RIMS1: variants seen among roughly 807,000 people sequenced by gnomAD.
The protein encoded by RIMS1 is regulating synaptic membrane exocytosis protein 1.
Under a neutral mutation model 214.1 loss-of-function variants are expected in RIMS1, and 83 were observed. The ratio of observed to expected loss-of-function variants is 0.39; its 90% CI spans 0.32 to 0.47. The LOEUF is 0.47. Among genes scored for constraint, RIMS1 ranks in the 20% least tolerant of loss-of-function variants. The pLI, the probability that RIMS1 is intolerant of heterozygous loss-of-function variation, is 0.99. For missense variants in RIMS1, 2,050 were observed against 2,161.8 expected (o/e 0.95, Z 1.03); for synonymous variants, 793 against 786.8 (o/e 1.01, Z -0.13).
chr6:72,392,118 G>T (rs1035188409), intron 30 of RIMS1, among the ~76,000 whole-genome samples: 3 of 152,208 alleles, frequency 2.0e-5, no homozygotes. Context: ...AACAAGAAGA[G>T]AACAGGCACT....
At chr6:72,103,179 C>T (rs1482574) in intron 4 of RIMS1, among the ~76,000 whole-genome samples, 45,000 of 151,910 alleles carry the variant, frequency 0.3, 7,485 homozygotes, top group Admixed American at 0.37. Flanking sequence ...ATTTCACAAG[C>T]TGTCTGGTTT....
chr6:72,197,944 G>A (rs916733657), intron 6 of RIMS1, among the ~76,000 whole-genome samples: 19 of 151,996 alleles, frequency 1.3e-4, no homozygotes, highest in African/African-American at 4.6e-4. Flanking sequence ...AAATAAACCA[G>A]GTCATATACA....
intron 23 of RIMS1, among the ~76,000 whole-genome samples, chr6:72,280,317 C>T (rs1435578549): frequency 6.6e-6 from 1 of 151,898 alleles, no homozygotes; most frequent in Non-Finnish European, 1.5e-5. Context: ...TTTGTGATTA[C>T]ACAATTAATA....
At chr6:72,174,422 CAG>C (rs1225254936) in intron 4 of RIMS1, among the ~76,000 whole-genome samples, 1 of 152,128 alleles carries the variant, frequency 6.6e-6, no homozygotes, top group Non-Finnish European at 1.5e-5. Context: ...GCAAATTATA[CAG>C]AGAGCCCCAA....
chr6:71,969,172 A>G (rs1795200321), intron 2 of RIMS1, 109 bp downstream of exon 2: 3 of 1,037,732 alleles, frequency 2.9e-6, no homozygotes, highest in South Asian at 1.3e-5. Context: ...CTGCTCTTGT[A>G]TATGTAACAA....
chr6:72,325,781 A>G (rs2096433566), intron 28 of RIMS1, among the ~76,000 whole-genome samples: 3 of 151,886 alleles, frequency 2.0e-5, no homozygotes, highest in Non-Finnish European at 4.4e-5. Context: ...GGTCCAGCTT[A>G]CTTGAAGAGA....
At chr6:72,371,682 C>T (rs780204681) in intron 29 of RIMS1, among the ~76,000 whole-genome samples, 2 of 152,046 alleles carry the variant, frequency 1.3e-5, no homozygotes, top group Non-Finnish European at 2.9e-5. Flanking sequence ...AAGTGCTGGC[C>T]AGCATTCAAG....
At chr6:72,200,645 A>G (rs572342141) in intron 6 of RIMS1, among the ~76,000 whole-genome samples, 2 of 152,280 alleles carry the variant, frequency 1.3e-5, no homozygotes, top group African/African-American at 4.8e-5. Context: ...CAGAAGAGAG[A>G]CTACTGTCTG....
At chr6:72,190,367 G>T (rs1448936219) in intron 6 of RIMS1, among the ~76,000 whole-genome samples, 1 of 151,634 alleles carries the variant, frequency 6.6e-6, no homozygotes, top group African/African-American at 2.4e-5. Context: ...GGAGGCTGAG[G>T]CAGGAGAATC....
chr6:72,092,642 T>C (rs927774577), intron 2 of RIMS1, among the ~76,000 whole-genome samples: 2 of 152,054 alleles, frequency 1.3e-5, no homozygotes, highest in Admixed American at 6.6e-5. Flanking sequence ...AGGGCCAGCA[T>C]TGAGAAGGAT....
intron 29 of RIMS1, among the ~76,000 whole-genome samples, chr6:72,375,238 A>G (rs899438999): frequency 4.6e-5 from 7 of 152,126 alleles, no homozygotes; most frequent in African/African-American, 1.4e-4. Flanking sequence ...TGCCTCATCA[A>G]GTTTAGCGTT....
intron 29 of RIMS1, among the ~76,000 whole-genome samples, chr6:72,387,214 C>T (rs2098628175): frequency 6.6e-6 from 1 of 152,092 alleles, no homozygotes; most frequent in African/African-American, 2.4e-5. Context: ...AACACTCTAA[C>T]CTGAACCCGC....
chr6:72,155,220 A>T lies in RIMS1; in HGVS notation c.472-24355A>T, dbSNP rs2044279347. ...CATTTTTCTCATTGTCTTGGGGATT[A>T]ATCCTTTTTCTATCACATTGTCAGG... On this transcript the variant is annotated intron_variant, in intron 4 of 33. Transcript: ENST00000521978. Among the ~76,000 whole-genome samples the T allele has an allele frequency of 2.8e-5, 4 of 140,354 alleles. 1 individual carries two copies. The highest frequency in any genetic ancestry group is 6.5e-5 in the Non-Finnish European group (4 of 61,748). The allele number at this position is 140,354 out of a possible 152,430, so 92.1% of individuals were successfully genotyped here.
chr6:72,012,676 G>A (rs1434732852), intron 2 of RIMS1, among the ~76,000 whole-genome samples: 5 of 152,162 alleles, frequency 3.3e-5, no homozygotes, highest in Non-Finnish European at 7.3e-5. Context: ...CAAGGTAAGG[G>A]TGGAGAGATG....
At chr6:72,227,331 C>T (rs2060489946) in intron 6 of RIMS1, among the ~76,000 whole-genome samples, 1 of 151,894 alleles carries the variant, frequency 6.6e-6, no homozygotes, top group Non-Finnish European at 1.5e-5. Context: ...CATTTTTATA[C>T]TCTGACAATG....
intron 6 of RIMS1, among the ~76,000 whole-genome samples, chr6:72,206,974 G>T (rs1291302218): frequency 1.3e-5 from 2 of 152,122 alleles, no homozygotes; most frequent in African/African-American, 2.4e-5. Flanking sequence ...AATAAATATT[G>T]TTTTAGAGGT....
At chr6:72,267,473 GTTAATT>G (rs2081119302) in intron 22 of RIMS1, among the ~76,000 whole-genome samples, 1 of 152,050 alleles carries the variant, frequency 6.6e-6, no homozygotes, top group Non-Finnish European at 1.5e-5. Flanking sequence ...AAAGGATTAA[GTTAATT>G]TTAATTTTTA....
chr6:72,094,676 A>G (rs1480088761), intron 2 of RIMS1, among the ~76,000 whole-genome samples: 1 of 152,236 alleles, frequency 6.6e-6, no homozygotes, highest in Non-Finnish European at 1.5e-5. Context: ...CAGTTGCAAA[A>G]GAAACTACAT....
At chr6:72,295,793 T>A (rs1206999242) in intron 26 of RIMS1, 1 of 152,846 alleles carries the variant, frequency 6.5e-6, no homozygotes, top group Non-Finnish European at 1.5e-5. Flanking sequence ...TCATGGTTTT[T>A]CATTGCAATT....
Sources: gnomAD v4.1 joint callset for allele counts (sites outside exome capture counted in the v4.1 genomes callset) on GRCh38, gnomAD v4.1.1 for gene constraint, MANE v1.5 for transcripts, NCBI Gene and HGNC (gene_info 2026-07-23, HGNC 2026-07-21) for gene names.